The following NAV3 variants were observed in gnomAD, a reference collection of about 807,000 sequenced individuals.
The protein encoded by NAV3 is neuron navigator 3.
Under a neutral mutation model 244.7 loss-of-function variants are expected in NAV3, and 87 were observed. The observed-to-expected ratio is 0.36, with a 90% CI of 0.30 to 0.42. The LOEUF is 0.42. NAV3 is among the 20% of genes least tolerant of loss of function. NAV3 has a pLI of 1.00. For synonymous variants in NAV3, 1,126 were observed against 1,042.2 expected (o/e 1.08, Z -1.55); for missense variants, 2,663 against 2,893.3 (o/e 0.92, Z 1.83).
At chr12:77,690,225 A>G (rs997900273) in intron 2 of NAV3, among the ~76,000 whole-genome samples, 4 of 151,860 alleles carry the variant, frequency 2.6e-5, no homozygotes, top group African/African-American at 9.7e-5. Flanking sequence ...TCTGATGCAT[A>G]TGGTTCCTAC....
chr12:78,082,867 C>A (rs1222444938), intron 12 of NAV3, among the ~76,000 whole-genome samples: 1 of 152,102 alleles, frequency 6.6e-6, no homozygotes, highest in Non-Finnish European at 1.5e-5. Flanking sequence ...CTGAAACCTG[C>A]CTCTCCCCTG....
intron 12 of NAV3, among the ~76,000 whole-genome samples, chr12:78,060,654 T>C (rs1884192899): frequency 6.6e-6 from 1 of 152,130 alleles, no homozygotes; most frequent in South Asian, 2.1e-4. Context: ...TCGCATCTAA[T>C]TAAATAGAGT....
chr12:78,113,444 G>A (rs755277935), intron 12 of NAV3, among the ~76,000 whole-genome samples: 11 of 152,194 alleles, frequency 7.2e-5, no homozygotes, highest in Admixed American at 6.5e-4. Flanking sequence ...TGGAATCTAG[G>A]CGGAGGTTTC....
intron 2 of NAV3, among the ~76,000 whole-genome samples, chr12:77,799,815 T>C (rs909052460): frequency 6.6e-6 from 1 of 152,148 alleles, no homozygotes; most frequent in Non-Finnish European, 1.5e-5. Context: ...TATGTGGATG[T>C]GAATGTATAT....
upstream of NAV3, among the ~76,000 whole-genome samples, chr12:77,826,466 T>G (rs966143263): frequency 6.6e-6 from 1 of 152,122 alleles, no homozygotes; most frequent in Non-Finnish European, 1.5e-5. Context: ...CACTCCAGCC[T>G]GGGTGACAGA....
chr12:77,675,799 G>A (rs1220665869), intron 2 of NAV3, among the ~76,000 whole-genome samples: 4 of 152,082 alleles, frequency 2.6e-5, no homozygotes, highest in African/African-American at 7.2e-5. Context: ...GTCCTGGGAG[G>A]GCCTCAGGCT....
intron 1 of NAV3, among the ~76,000 whole-genome samples, chr12:77,854,836 G>T (rs1173048312): frequency 6.6e-6 from 1 of 152,060 alleles, no homozygotes; most frequent in Non-Finnish European, 1.5e-5. Flanking sequence ...ACTAACATCT[G>T]GCCGGGTGCA....
intron 1 of NAV3, among the ~76,000 whole-genome samples, chr12:77,852,821 T>C (rs1455791520): frequency 6.6e-6 from 1 of 152,208 alleles, no homozygotes; most frequent in Admixed American, 6.5e-5. Flanking sequence ...CTTATTCTCG[T>C]AGATTTATAT....
At chr12:78,001,502 C>T (rs1203317991) in intron 7 of NAV3, among the ~76,000 whole-genome samples, 1 of 151,892 alleles carries the variant, frequency 6.6e-6, no homozygotes, top group Non-Finnish European at 1.5e-5. Flanking sequence ...ATTAAAAAAA[C>T]AAATTGTTGA....
chr12:78,105,390 C>T (rs1449487545), intron 12 of NAV3, among the ~76,000 whole-genome samples: 1 of 151,936 alleles, frequency 6.6e-6, no homozygotes, highest in African/African-American at 2.4e-5. Context: ...ATATTAGGTT[C>T]CTGTGAGAAT....
chr12:78,001,654 T>C (rs1873328700), intron 7 of NAV3, among the ~76,000 whole-genome samples: 1 of 152,138 alleles, frequency 6.6e-6, no homozygotes, highest in Admixed American at 6.5e-5. Flanking sequence ...AATAATGAAA[T>C]TTGAAAAAAT....
chr12:77,782,785 T>C lies in NAV3; in HGVS notation c.73-157534T>C, dbSNP rs190157624. Among the ~76,000 whole-genome samples, 32 of 152,322 alleles carry C rather than the reference T, an allele frequency of 2.1e-4. No individual in the cohort carries two copies. The South Asian group carries it at 2.7e-3, about 13-fold the overall frequency. ...ATCCATATGTAATGGGAAAAAAATA[T>C]CATGTTGCTATTATACTAGAATATT... On this transcript the variant is annotated intron_variant, in intron 2 of 8. Transcript: ENST00000550042.
intron 2 of NAV3, among the ~76,000 whole-genome samples, chr12:77,816,033 T>C (rs1872515373): frequency 6.6e-6 from 1 of 151,912 alleles, no homozygotes; most frequent in African/African-American, 2.4e-5. Context: ...TACTGGGAAA[T>C]ACAAGATAGA....
At position 77,966,231 on chromosome 12, in the gene NAV3, T is replaced by A. The variant is rs1269136844; in HGVS notation, c.417T>A (p.Ile139=). ...NGCPRSQSQM[I]ENVDVCLSFL... ...TTTCACTGCTTTTCATGTTGCAGAT[T>A]GAAAATGTTGATGTCTGCCTTAGTT... The change falls in exon 4 of 40, where the codon ATT becomes ATA. Residue 139 remains isoleucine, a splice_region_variant and synonymous_variant. Transcript: ENST00000397909. 5 of 1,613,592 alleles carry A rather than the reference T, an allele frequency of 3.1e-6. No individual in the cohort carries two copies. The highest frequency in any genetic ancestry group is 4.2e-6 in the Non-Finnish European group (5 of 1,179,724).
At chr12:78,092,604 A>G (rs951832627) in intron 12 of NAV3, among the ~76,000 whole-genome samples, 1 of 136,446 alleles carries the variant, frequency 7.3e-6, no homozygotes, top group Non-Finnish European at 1.5e-5. Context: ...GGTTCACGCC[A>G]TTTTCCTGGC....
chr12:77,831,523 A>C lies in NAV3; in HGVS notation c.62A>C (p.His21Pro). 1 of 1,614,104 alleles carries C rather than the reference A, an allele frequency of 6.2e-7. No homozygotes were observed. Among genetic ancestry groups the C allele is most frequent in the Non-Finnish European group, 8.5e-7 (1 of 1,179,996 alleles). ...RQPAVGSKPV[H>P]TALPIPNLGT... is the part of the protein sequence containing the mutation. ...CCAGCTGTTGGGTCAAAGCCTGTGC[A>C]TACTGCTCTTCCGATACCAAATCTT... The change falls in exon 1 of 40, where the codon CAT becomes CCT. Residue 21 changes from histidine (H) to proline (P), a missense_variant. By Grantham distance (77) the His-to-Pro change is moderately conservative. Around this residue, in one of 6 missense-constraint regions of NAV3, gnomAD observed 1,521 missense variants for 1,497.0 expected, o/e 1.02. Coordinates refer to ENST00000397909, the MANE Select transcript of NAV3 (RefSeq NM_001024383.2).
intron 23 of NAV3, among the ~76,000 whole-genome samples, chr12:78,168,526 CT>C (rs1463624438): frequency 2.6e-5 from 4 of 151,668 alleles, no homozygotes; most frequent in Non-Finnish European, 5.9e-5. Context: ...ATTCATATCT[CT>C]TTTATAAGAC....
chr12:77,808,400 T>C (rs1335432735), intron 2 of NAV3, among the ~76,000 whole-genome samples: 1 of 152,200 alleles, frequency 6.6e-6, no homozygotes, highest in Non-Finnish European at 1.5e-5. Flanking sequence ...GCTATTCCTT[T>C]CTGTTTGTTA....
intron 2 of NAV3, among the ~76,000 whole-genome samples, chr12:77,796,760 G>A (rs1167731987): frequency 6.6e-6 from 1 of 152,028 alleles, no homozygotes; most frequent in African/African-American, 2.4e-5. Flanking sequence ...ACTGAGGCAC[G>A]ACTTTATACC....
Sources: gnomAD v4.1 joint callset for allele counts (sites outside exome capture counted in the v4.1 genomes callset) on GRCh38, gnomAD v4.1.1 for gene constraint, gnomAD v4.1.1 regional missense constraint, MANE v1.5 for transcripts, NCBI Gene and HGNC (gene_info 2026-07-23, HGNC 2026-07-21) for gene names.